DIP2A: variants seen among roughly 807,000 people sequenced by gnomAD.
DIP2A encodes the protein disco-interacting protein 2 homolog A.
DIP2A carries 85 observed loss-of-function variants against 177.4 expected under a neutral mutation model. The observed-to-expected ratio is 0.48, with a 90% confidence interval of 0.40 to 0.57. The LOEUF is 0.57. Among genes scored for constraint, DIP2A ranks in the 20% least tolerant of loss-of-function variants. DIP2A has a pLI of 0.00. For missense variants in DIP2A, 1,791 were observed against 2,100.2 expected (o/e 0.85, Z 2.88); for synonymous variants, 886 against 881.8 (o/e 1.00, Z -0.08).
At chr21:46,473,677 G>A (rs554234768) in intron 1 of DIP2A, among the ~76,000 whole-genome samples, 2 of 152,038 alleles carry the variant, frequency 1.3e-5, no homozygotes, top group East Asian at 3.9e-4. Context: ...CACCACGCCC[G>A]GCTAATTTTT....
chr21:46,490,754 C>T (rs749346552), intron 3 of DIP2A, 35 bp downstream of exon 3: 49 of 1,540,266 alleles, frequency 3.2e-5, no homozygotes, highest in Admixed American at 2.1e-4. Flanking sequence ...GGAAGGTGGA[C>T]GGGCCTGGAG....
At chr21:46,532,334 C>A in intron 10 of DIP2A, 97 bp downstream of exon 10, 2 of 1,002,014 alleles carry the variant, frequency 2.0e-6, no homozygotes, top group Non-Finnish European at 3.0e-6. Context: ...AGGCAGCAAG[C>A]AGCTGTTTTG....
At chr21:46,538,412 A>G in intron 15 of DIP2A, 71 bp from the exon 16 acceptor site, 1 of 1,512,348 alleles carries the variant, frequency 6.6e-7, no homozygotes, top group Non-Finnish European at 8.8e-7. Context: ...GATGAGGTAC[A>G]CGTGTCTGTA....
intron 6 of DIP2A, 61 bp from the exon 7 acceptor site, chr21:46,509,196 C>A: frequency 6.5e-7 from 1 of 1,540,628 alleles, no homozygotes; most frequent in South Asian, 1.3e-5. Flanking sequence ...GGACCTTACA[C>A]CTGTGTCCAC....
intron 8 of DIP2A, among the ~76,000 whole-genome samples, chr21:46,512,807 A>C (rs986724019): frequency 3.8e-5 from 4 of 105,566 alleles, no homozygotes; most frequent in African/African-American, 1.5e-4. Flanking sequence ...ATTTAAAAAA[A>C]AAAACAAACA....
chr21:46,555,943 G>A (rs774744457), intron 28 of DIP2A, 39 bp from the exon 29 acceptor site: 9 of 1,468,612 alleles, frequency 6.1e-6, no homozygotes, highest in Non-Finnish European at 8.6e-6. Context: ...CAGAATACAT[G>A]TGGGAACACT....
intron 5 of DIP2A, among the ~76,000 whole-genome samples, chr21:46,501,550 G>C (rs571638750): frequency 6.6e-6 from 1 of 152,106 alleles, no homozygotes; most frequent in Admixed American, 6.5e-5. Context: ...CTCCTGAGCA[G>C]CTGGGACTAT....
intron 32 of DIP2A, among the ~76,000 whole-genome samples, chr21:46,559,674 G>GA (rs2060600813): frequency 6.6e-6 from 1 of 152,254 alleles, no homozygotes. Context: ...CATGATTGCA[G>GA]AAATGATGTT....
Position 46,567,573 on chromosome 21 carries a change from G to T in DIP2A, c.4667G>T (p.Gly1556Val). ...AAGCAGCGCATGCACCTGCGGGACGGCTTCCTGGCTGACCAGCTGGACCCC... is the reference window on the plus strand; with the variant it reads ...AAGCAGCGCATGCACCTGCGGGACGTCTTCCTGGCTGACCAGCTGGACCCC... Reference protein sequence around the residue: ...GEKQRMHLRDGFLADQLDPIY... With the variant: ...GEKQRMHLRDVFLADQLDPIY... The change falls in exon 38 of 38, where the codon GGC becomes GTC. Residue 1556 changes from glycine (G) to valine (V), a missense_variant. Physicochemically the swap from Gly to Val is moderately radical, Grantham distance 109 (BLOSUM62 -3). Coordinates refer to ENST00000417564, the MANE Select transcript of DIP2A (RefSeq NM_015151.4). 6.2e-7 allele frequency: 1 copy of T among 1,612,060 alleles called. No individual in the cohort carries two copies. Among genetic ancestry groups the T allele is most frequent in the Non-Finnish European group, 8.5e-7 (1 of 1,178,714 alleles).
intron 5 of DIP2A, 132 bp from the exon 6 acceptor site, chr21:46,504,229 T>G: frequency 7.0e-6 from 9 of 1,283,164 alleles, no homozygotes; most frequent in Non-Finnish European, 9.8e-6. Context: ...GAAAACAAAT[T>G]AATGAAAATA....
chr21:46,461,282 A>AAAAAAAAAAAAAAAAG (rs2054286475), intron 1 of DIP2A, among the ~76,000 whole-genome samples: 1 of 148,998 alleles, frequency 6.7e-6, no homozygotes, highest in Non-Finnish European at 1.5e-5. Context: ...AAAAAAAAAA[A>AAAAAAAAAAAAAAAAG]AAAAAAAAAA....
intron 6 of DIP2A, among the ~76,000 whole-genome samples, chr21:46,508,317 T>G (rs1184746846): frequency 6.6e-6 from 1 of 151,256 alleles, no homozygotes; most frequent in Non-Finnish European, 1.5e-5. Flanking sequence ...GTGCTGGGAT[T>G]ACAGCTGTGA....
intron 1 of DIP2A, among the ~76,000 whole-genome samples, chr21:46,475,875 A>T (rs1174773956): frequency 6.6e-6 from 1 of 152,184 alleles, no homozygotes; most frequent in African/African-American, 2.4e-5. Context: ...CATATTTTAA[A>T]ACTATGTAAA....
At chr21:46,538,196 TAGGAA>T (rs2059653248) in intron 15 of DIP2A, among the ~76,000 whole-genome samples, 1 of 152,064 alleles carries the variant, frequency 6.6e-6, no homozygotes, top group Non-Finnish European at 1.5e-5. Context: ...AGCGGGCAGA[TAGGAA>T]AAGAGCAATA....
chr21:46,533,438 C>T (rs762252), intron 10 of DIP2A, 86 bp from the exon 11 acceptor site: 8 of 1,483,790 alleles, frequency 5.4e-6, no homozygotes, highest in African/African-American at 1.4e-5. Flanking sequence ...AAGATCTGTT[C>T]TCTGTGCATG....
chr21:46,492,306 C>T (rs939525011), intron 3 of DIP2A, among the ~76,000 whole-genome samples: 4 of 152,106 alleles, frequency 2.6e-5, no homozygotes, highest in South Asian at 2.1e-4. Context: ...CACATAAATG[C>T]GCGCATCTAT....
At position 46,498,477 on chromosome 21, in the gene DIP2A, G is replaced by C; in HGVS notation, c.404-105G>C. On this transcript the variant is annotated intron_variant, in intron 4 of 37. Coordinates refer to ENST00000417564, the MANE Select transcript of DIP2A (RefSeq NM_015151.4). The surrounding 1 kb of genome is among the most constrained non-coding windows in gnomAD (Gnocchi z 4.3). Reference sequence around the variant, plus strand: ...TGGGCAGAGCTGTGCCAGGTGTACAGAAGCATGCTGCACACAGGTCTGGGA... The same window carrying C: ...TGGGCAGAGCTGTGCCAGGTGTACACAAGCATGCTGCACACAGGTCTGGGA... 7.2e-7 allele frequency: 1 copy of C among 1,392,034 alleles called. No homozygotes were observed. The highest frequency in any genetic ancestry group is 9.8e-7 in the Non-Finnish European group (1 of 1,022,556). The allele number at this position is 1,392,034 out of a possible 1,614,324, so 86.2% of individuals were successfully genotyped here.
rs573232834 is a variant in DIP2A, at chr21:46,529,856, T to C, written c.1194+673T>C. Among the ~76,000 whole-genome samples the C allele has an allele frequency of 9.7e-4, 148 of 152,352 alleles. 1 individual carries two copies. Among genetic ancestry groups the C allele is most frequent in the Middle Eastern group, 3.4e-3 (1 of 294 alleles). On this transcript the variant is annotated intron_variant, in intron 9 of 37. Coordinates refer to ENST00000417564, the MANE Select transcript of DIP2A (RefSeq NM_015151.4). The stretch of plus-strand genomic sequence containing the variant: ...TTTTTATCTCCTTCCCTATTCTATG[T>C]GTCCAGGTAACCTCCTTGTACCTAT...
rs555755308 is a variant in DIP2A at position 46,506,371 on chromosome 21, G to A, written c.784+1882G>A. ...GGCCTCAAGTGATCCACCTGCCTTG[G>A]CCACCTAAAGTACTGGGATTATAGG... On this transcript the variant is annotated intron_variant, in intron 6 of 37. Transcript: ENST00000417564. 2.5e-4 allele frequency among the ~76,000 whole-genome samples: 38 copies of A among 152,252 alleles called. 1 individual carries two copies. In the South Asian group the frequency reaches 7.7e-3, roughly 31 times the overall value.
Sources: gnomAD v4.1 joint callset for allele counts (sites outside exome capture counted in the v4.1 genomes callset) on GRCh38, gnomAD v4.1.1 for gene constraint, Gnocchi (gnomAD v3.1) non-coding constraint, MANE v1.5 for transcripts, NCBI Gene and HGNC (gene_info 2026-07-23, HGNC 2026-07-21) for gene names.